The following FMNL2 variants were observed in gnomAD, a reference collection of about 807,000 sequenced individuals.
FMNL2 encodes the protein formin like 2.
FMNL2 carries 51 observed loss-of-function variants against 130.2 expected under a neutral mutation model. The observed-to-expected ratio is 0.39, with a 90% confidence interval of 0.31 to 0.49. The LOEUF (loss-of-function observed/expected upper bound fraction) is 0.49, where lower values mean the gene tolerates loss of function less well. Ranked by LOEUF, FMNL2 falls within the 20% of genes least tolerant of loss-of-function variation. The probability of loss-of-function intolerance (pLI) is 0.85; values close to 1 mark genes in which losing one functional copy is unlikely to be tolerated. For missense variants in FMNL2, 977 were observed against 1,316.2 expected, an observed-to-expected ratio of 0.74 and a Z score of 3.99; for synonymous variants, 465 against 467.1, an observed-to-expected ratio of 1.00 and a Z score of 0.06.
rs771740600 is a variant in FMNL2, at chr2:152,562,811, C to T, written c.596+1776C>T. Among the ~76,000 whole-genome samples the T allele has an allele frequency of 5.3e-4, 80 of 152,258 alleles. 1 individual carries two copies. The highest frequency in any genetic ancestry group is 3.4e-3 in the Middle Eastern group (1 of 294). On this transcript the variant is annotated intron_variant, in intron 6 of 25. Transcript: ENST00000288670. The stretch of plus-strand genomic sequence containing the variant: ...AATTCAGGATGAATTTCCTGATCAC[C>T]TTGGTACTGGAATGGAAATTCTCAC...
At chr2:152,575,686 TG>T (rs1223839156) in intron 7 of FMNL2, among the ~76,000 whole-genome samples, 1 of 152,222 alleles carries the variant, frequency 6.6e-6, no homozygotes, top group Admixed American at 6.5e-5. Context: ...GCTTGGTGAA[TG>T]CTTGTGACTA....
intron 1 of FMNL2, among the ~76,000 whole-genome samples, chr2:152,434,532 C>T (rs538532376): frequency 5.3e-5 from 8 of 152,266 alleles, no homozygotes; most frequent in African/African-American, 1.9e-4. Flanking sequence ...TGGATCCCAG[C>T]TGGCCCCTGA....
chr2:152,479,946 T>C (rs191159465), intron 1 of FMNL2, among the ~76,000 whole-genome samples: 1 of 152,278 alleles, frequency 6.6e-6, no homozygotes, highest in East Asian at 1.9e-4. Flanking sequence ...TGGGAGTGTA[T>C]GTCCTGCTTT....
At chr2:152,408,650 T>C (rs951895856) in intron 1 of FMNL2, among the ~76,000 whole-genome samples, 5 of 152,200 alleles carry the variant, frequency 3.3e-5, no homozygotes, top group African/African-American at 4.8e-5. Flanking sequence ...AAAATGCATT[T>C]AATATAGCTA....
rs143655959 is a variant in FMNL2 at position 152,612,898 on chromosome 2, T to C, written c.1062+1293T>C. Among the ~76,000 whole-genome samples, 22 of 152,336 alleles carry C rather than the reference T, an allele frequency of 1.4e-4. No homozygotes were observed. The East Asian group carries it at 4.1e-3, about 28-fold the overall frequency. On this transcript the variant is annotated intron_variant, in intron 11 of 25. Coordinates refer to ENST00000288670, the MANE Select transcript of FMNL2 (RefSeq NM_052905.4). The stretch of plus-strand genomic sequence containing the variant: ...CAAGCCTGTTTCCAGCTGTGAAGAA[T>C]ATAGAAGTACTTCCTTTGGGCATCT...
intron 1 of FMNL2, among the ~76,000 whole-genome samples, chr2:152,455,846 C>T (rs1688921684): frequency 6.6e-6 from 1 of 152,152 alleles, no homozygotes; most frequent in South Asian, 2.1e-4. Context: ...CCCTGAGTAG[C>T]TGAGACCAGA....
chr2:152,350,601 A>G (rs1384718811), intron 1 of FMNL2, among the ~76,000 whole-genome samples: 3 of 152,196 alleles, frequency 2.0e-5, no homozygotes, highest in Admixed American at 1.3e-4. Context: ...GCTTGAAGCT[A>G]TAGGTTGACC....
intron 1 of FMNL2, among the ~76,000 whole-genome samples, chr2:152,373,368 A>T (rs1166686649): frequency 6.6e-6 from 1 of 152,138 alleles, no homozygotes; most frequent in Non-Finnish European, 1.5e-5. Flanking sequence ...AGTTTGTGCC[A>T]GAATGTAGAT....
intron 23 of FMNL2, 34 bp from the exon 24 acceptor site, chr2:152,639,924 A>C (rs1170489525): frequency 6.6e-7 from 1 of 1,521,324 alleles, no homozygotes; most frequent in Admixed American, 2.3e-5. Context: ...CATTTCCATT[A>C]ACATCATCTT....
intron 9 of FMNL2, among the ~76,000 whole-genome samples, chr2:152,590,010 CATATACAT>C (rs1697337217): frequency 2.2e-5 from 1 of 45,236 alleles, no homozygotes; most frequent in Non-Finnish European, 5.0e-5. Flanking sequence ...TATATATATA[CATATACAT>C]ATATATATAC....
chr2:152,544,742 A>G (rs1267481065), intron 3 of FMNL2, among the ~76,000 whole-genome samples: 1 of 152,180 alleles, frequency 6.6e-6, no homozygotes, highest in African/African-American at 2.4e-5. Flanking sequence ...AGGAAAAAAT[A>G]TGCACACTCC....
chr2:152,519,830 T>G (rs576537570), intron 1 of FMNL2, among the ~76,000 whole-genome samples: 1 of 152,332 alleles, frequency 6.6e-6, no homozygotes, highest in Admixed American at 6.5e-5. Context: ...CTTTTTCTTA[T>G]TCCCTTTATA....
At chr2:152,481,286 G>T (rs1234621347) in intron 1 of FMNL2, among the ~76,000 whole-genome samples, 1 of 152,140 alleles carries the variant, frequency 6.6e-6, no homozygotes, top group Non-Finnish European at 1.5e-5. Flanking sequence ...TCATTTAATT[G>T]AAACTATCCA....
intron 10 of FMNL2, 126 bp downstream of exon 10, chr2:152,607,539 T>C: frequency 1.4e-6 from 1 of 711,710 alleles, no homozygotes; most frequent in Non-Finnish European, 2.4e-6. Context: ...GGAATTGCAA[T>C]TAATATGCTA....
chr2:152,597,611 A>G (rs150099204), intron 9 of FMNL2, among the ~76,000 whole-genome samples: 17 of 152,362 alleles, frequency 1.1e-4, no homozygotes, highest in Non-Finnish European at 2.4e-4. Flanking sequence ...GATGCATGCT[A>G]TGGCACTGGC....
intron 6 of FMNL2, among the ~76,000 whole-genome samples, chr2:152,566,426 TGAGG>T: frequency 6.6e-6 from 1 of 152,108 alleles, no homozygotes; most frequent in East Asian, 1.9e-4. Flanking sequence ...TATACCACTG[TGAGG>T]AAACTGGGGC....
intron 1 of FMNL2, among the ~76,000 whole-genome samples, chr2:152,471,506 G>A (rs1689857617): frequency 6.6e-6 from 1 of 152,128 alleles, no homozygotes; most frequent in Non-Finnish European, 1.5e-5. Flanking sequence ...AAAAGCAAGG[G>A]ACCAAAAATA....
intron 9 of FMNL2, among the ~76,000 whole-genome samples, chr2:152,584,682 T>C (rs962404389): frequency 6.6e-6 from 1 of 152,248 alleles, no homozygotes; most frequent in Non-Finnish European, 1.5e-5. Context: ...AAATCCATTC[T>C]ATCTAATTTG....
rs550708008 is a variant in FMNL2, at chr2:152,649,375, T to A, written c.*1470T>A. 2.0e-5 allele frequency: 3 copies of A among 152,476 alleles called. No individual in the cohort carries two copies. Among genetic ancestry groups the A allele is most frequent in the Non-Finnish European group, 2.9e-5 (2 of 67,998 alleles). The allele number at this position is 152,476 out of a possible 1,614,324, so 9.4% of individuals were successfully genotyped here. Reference sequence around the variant, plus strand: ...ACAATCTGAATGTTATTTTAACTTATAGTTTTTTTTAATATATATATTTAA... The same window carrying A: ...ACAATCTGAATGTTATTTTAACTTAAAGTTTTTTTTAATATATATATTTAA... On this transcript the variant is annotated 3_prime_UTR_variant, in exon 26 of 26. Coordinates refer to ENST00000288670, the MANE Select transcript of FMNL2 (RefSeq NM_052905.4).
Sources: allele counts gnomAD v4.1 joint callset (sites outside exome capture counted in the v4.1 genomes callset), GRCh38; gene constraint gnomAD v4.1.1; transcripts MANE v1.5; gene names NCBI Gene and HGNC (gene_info 2026-07-23, HGNC 2026-07-21).